SHC3: variants seen among roughly 807,000 people sequenced by gnomAD.
SHC3 encodes the protein SHC adaptor protein 3, also known as SHC-transforming protein 3.
In SHC3, 15 loss-of-function variants were observed where a neutral mutation model predicts 60.4. That is an observed-to-expected ratio of 0.25 (90% CI 0.17 to 0.38). The LOEUF is 0.38. Among genes scored for constraint, SHC3 ranks in the 10% least tolerant of loss-of-function variants. The probability of loss-of-function intolerance (pLI) is 1.00; values close to 1 mark genes in which losing one functional copy is unlikely to be tolerated. For missense variants in SHC3, 677 were observed against 786.1 expected, an observed-to-expected ratio of 0.86 and a Z score of 1.66; for synonymous variants, 294 against 325.9, an observed-to-expected ratio of 0.90 and a Z score of 1.05.
chr9:89,127,372 A>AT lies in SHC3; in HGVS notation c.475-14747dup, dbSNP rs904859523. On this transcript the variant is annotated intron_variant, in intron 1 of 11. Coordinates refer to ENST00000375835, the MANE Select transcript of SHC3 (RefSeq NM_016848.6). ...GTCTGGTAATAAGAGATTTAAAAGA[A>AT]TTTTTTTAAAACAGTGCTATGGTTA... is the stretch of plus-strand genomic sequence containing the variant. 3.3e-5 allele frequency among the ~76,000 whole-genome samples: 5 copies of AT among 152,258 alleles called. No individual in the cohort carries two copies. The South Asian group carries it at 6.2e-4, about 19-fold the overall frequency.
At chr9:89,149,718 T>C (rs1291858833) in intron 1 of SHC3, among the ~76,000 whole-genome samples, 1 of 152,234 alleles carries the variant, frequency 6.6e-6, no homozygotes, top group East Asian at 1.9e-4. Flanking sequence ...TACAATTCAG[T>C]GATTTTGAGT....
chr9:89,094,880 T>G (rs1268349460), intron 2 of SHC3, among the ~76,000 whole-genome samples: 1 of 151,972 alleles, frequency 6.6e-6, no homozygotes, highest in African/African-American at 2.4e-5. Context: ...TCATTCCTGA[T>G]AAAGCCATGA....
At chr9:89,059,129 ACGG>A (rs1825013997) in intron 6 of SHC3, among the ~76,000 whole-genome samples, 1 of 117,498 alleles carries the variant, frequency 8.5e-6, no homozygotes, top group Admixed American at 8.7e-5. Flanking sequence ...GTGGTGGAGG[ACGG>A]TGGTGGAGGA....
chr9:89,069,296 G>T (rs149373736), intron 5 of SHC3, among the ~76,000 whole-genome samples: 107 of 152,290 alleles, frequency 7.0e-4, no homozygotes, highest in African/African-American at 2.5e-3. Flanking sequence ...GTGACAGAAT[G>T]AGACCCTGTT....
intron 2 of SHC3, chr9:89,109,307 C>T (rs1411814633): frequency 2.3e-5 from 18 of 790,538 alleles, no homozygotes; most frequent in Non-Finnish European, 2.8e-5. Flanking sequence ...CTCCTCCGGT[C>T]ATGGTGCCCA....
intron 1 of SHC3, among the ~76,000 whole-genome samples, chr9:89,131,487 C>A (rs918129096): frequency 6.6e-6 from 1 of 151,958 alleles, no homozygotes; most frequent in East Asian, 1.9e-4. Flanking sequence ...ATCCCTGATG[C>A]ACATCGATGC....
At chr9:89,142,589 G>A (rs898125227) in intron 1 of SHC3, among the ~76,000 whole-genome samples, 5 of 150,942 alleles carry the variant, frequency 3.3e-5, no homozygotes, top group African/African-American at 1.2e-4. Flanking sequence ...GCTGAGGCAG[G>A]AGAATCACTT....
chr9:89,089,146 G>T (rs896759318), intron 2 of SHC3, among the ~76,000 whole-genome samples: 1 of 152,152 alleles, frequency 6.6e-6, no homozygotes, highest in African/African-American at 2.4e-5. Context: ...TTCCAGGGCA[G>T]TTCTACTGGA....
chr9:89,151,740 G>A (rs1826548416), intron 1 of SHC3, among the ~76,000 whole-genome samples: 1 of 151,986 alleles, frequency 6.6e-6, no homozygotes. Context: ...TAACAATTTG[G>A]GGAATCATTG....
chr9:89,141,044 A>T (rs557451958), intron 1 of SHC3, among the ~76,000 whole-genome samples: 1 of 152,346 alleles, frequency 6.6e-6, no homozygotes, highest in Admixed American at 6.5e-5. Flanking sequence ...GCCAGGCCAA[A>T]CAGCCAATAT....
chr9:89,059,256 TG>T (rs1460114492), intron 6 of SHC3, among the ~76,000 whole-genome samples: 2 of 90,386 alleles, frequency 2.2e-5, no homozygotes, highest in Admixed American at 1.1e-4. Context: ...TGGTGGAGGA[TG>T]GTGGTGGAGG....
At chr9:89,043,850 C>T (rs1318326616) in intron 9 of SHC3, among the ~76,000 whole-genome samples, 4 of 152,102 alleles carry the variant, frequency 2.6e-5, no homozygotes, top group Admixed American at 6.6e-5. Context: ...GACGAGGTTT[C>T]ACCATGTTGG....
At position 89,148,982 on chromosome 9, in the gene SHC3, C is replaced by G. The variant is rs140759536; in HGVS notation, c.474+29005G>C. On this transcript the variant is annotated intron_variant, in intron 1 of 11. Coordinates refer to ENST00000375835, the MANE Select transcript of SHC3 (RefSeq NM_016848.6). ...ACAGCCCTCAGTTAAAGGCCCACTTCATGGAATGTTATGTGTGAACATTCA... is the reference window on the plus strand; with the variant it reads ...ACAGCCCTCAGTTAAAGGCCCACTTGATGGAATGTTATGTGTGAACATTCA... 8.2e-3 allele frequency among the ~76,000 whole-genome samples: 1,242 copies of G among 152,282 alleles called. 13 individuals are homozygous for G. Among genetic ancestry groups the G allele is most frequent in the African/African-American group, 0.028 (1,183 of 41,568 alleles).
At chr9:89,040,111 T>C (rs1478715399) in intron 10 of SHC3, among the ~76,000 whole-genome samples, 1 of 139,490 alleles carries the variant, frequency 7.2e-6, no homozygotes, top group East Asian at 2.3e-4. Flanking sequence ...ATCACCACCA[T>C]CATCACCACC....
chr9:89,098,633 AC>A (rs752258251), intron 2 of SHC3, among the ~76,000 whole-genome samples: 3 of 152,168 alleles, frequency 2.0e-5, no homozygotes, highest in Non-Finnish European at 4.4e-5. Context: ...ACACGGTGAA[AC>A]CCGGTCTCTA....
intron 1 of SHC3, among the ~76,000 whole-genome samples, chr9:89,127,902 C>G (rs1042143277): frequency 1.3e-4 from 20 of 152,004 alleles, no homozygotes; most frequent in Non-Finnish European, 4.4e-5. Context: ...TACCTTCCAG[C>G]TGTGCCTGCT....
At chr9:89,140,815 C>T (rs748505938) in intron 1 of SHC3, among the ~76,000 whole-genome samples, 4 of 151,950 alleles carry the variant, frequency 2.6e-5, no homozygotes, top group Non-Finnish European at 4.4e-5. Flanking sequence ...TCTCTTATGT[C>T]GGCATTAACA....
chr9:89,074,816 G>A (rs1268617324), intron 4 of SHC3, among the ~76,000 whole-genome samples: 3 of 150,424 alleles, frequency 2.0e-5, no homozygotes, highest in African/African-American at 7.3e-5. Context: ...AAAAATAAGG[G>A]CAAGGACATT....
chr9:89,154,356 G>A (rs1452977275), intron 1 of SHC3, among the ~76,000 whole-genome samples: 1 of 152,182 alleles, frequency 6.6e-6, no homozygotes, highest in Non-Finnish European at 1.5e-5. Flanking sequence ...TGTCCACAGA[G>A]TCCCAGTACC....
Sources: allele counts gnomAD v4.1 joint callset (sites outside exome capture counted in the v4.1 genomes callset), GRCh38; gene constraint gnomAD v4.1.1; transcripts MANE v1.5; gene names NCBI Gene and HGNC (gene_info 2026-07-23, HGNC 2026-07-21).